GPR89B: variants seen among roughly 807,000 people sequenced by gnomAD.
GPR89B encodes the protein golgi pH regulator B, also known as G protein-coupled receptor 89B.
Under a neutral mutation model 52.4 loss-of-function variants are expected in GPR89B, and 25 were observed. That is an observed-to-expected ratio of 0.48 (90% CI 0.35 to 0.67). GPR89B has a LOEUF of 0.67. Among genes scored for constraint, GPR89B ranks in the 30% least tolerant of loss-of-function variants. The pLI, the probability that GPR89B is intolerant of heterozygous loss-of-function variation, is 0.01. For synonymous variants in GPR89B, 52 were observed against 151.2 expected, an observed-to-expected ratio of 0.34 and a Z score of 4.81; for missense variants, 146 against 450.2, an observed-to-expected ratio of 0.32 and a Z score of 6.11.
chr1:147,950,237 G>A (rs1219091704), intron 5 of GPR89B, among the ~76,000 whole-genome samples: 13 of 151,354 alleles, frequency 8.6e-5, no homozygotes, highest in African/African-American at 3.2e-4. Flanking sequence ...GGGCAGAGAC[G>A]CTCCTCACCT....
intron 10 of GPR89B, among the ~76,000 whole-genome samples, chr1:147,985,194 T>G (rs1238717608): frequency 6.6e-6 from 1 of 152,174 alleles, no homozygotes; most frequent in Non-Finnish European, 1.5e-5. Context: ...AAATGATCCT[T>G]TTATCATTCT....
chr1:147,968,758 TG>T, intron 8 of GPR89B, 116 bp from the exon 9 acceptor site: 1 of 1,534,850 alleles, frequency 6.5e-7, no homozygotes, highest in Non-Finnish European at 9.0e-7. Flanking sequence ...AACAGGAAAT[TG>T]AGAATATAGG....
intron 5 of GPR89B, among the ~76,000 whole-genome samples, chr1:147,948,756 ATTT>A (rs199854363): frequency 0.044 from 6,081 of 138,260 alleles, 156 homozygotes; most frequent in African/African-American, 0.08. Context: ...AGATAAAATA[ATTT>A]TTTTTTTTTT....
chr1:147,950,255 A>T (rs1392669249), intron 5 of GPR89B, among the ~76,000 whole-genome samples: 1 of 138,808 alleles, frequency 7.2e-6, no homozygotes, highest in African/African-American at 2.7e-5. Context: ...CCTCCCAGAC[A>T]GGGTCGCGGC....
At chr1:147,949,517 G>A (rs1655348523) in intron 5 of GPR89B, among the ~76,000 whole-genome samples, 1 of 128,618 alleles carries the variant, frequency 7.8e-6, no homozygotes, top group Non-Finnish European at 1.6e-5. Flanking sequence ...CCCAGTAGGG[G>A]CGGCCGGGCA....
chr1:147,962,365 A>G (rs1365035620), intron 7 of GPR89B, among the ~76,000 whole-genome samples: 1 of 151,168 alleles, frequency 6.6e-6, no homozygotes, highest in Non-Finnish European at 1.5e-5. Flanking sequence ...CAGAGGTTGC[A>G]GTGAGCTGAG....
chr1:147,988,077 G>T (rs1287584233), intron 11 of GPR89B, among the ~76,000 whole-genome samples: 5 of 151,936 alleles, frequency 3.3e-5, no homozygotes, highest in Non-Finnish European at 5.9e-5. Flanking sequence ...TTGCTGCCGG[G>T]CATGGTGACT....
intron 3 of GPR89B, among the ~76,000 whole-genome samples, chr1:147,940,092 C>T (rs1450361299): frequency 1.3e-5 from 2 of 151,666 alleles, no homozygotes; most frequent in Admixed American, 6.6e-5. Flanking sequence ...TCTGATTCTC[C>T]TGCTTTTAAA....
At chr1:147,972,566 A>C (rs2149080548) in intron 10 of GPR89B, among the ~76,000 whole-genome samples, 1 of 151,950 alleles carries the variant, frequency 6.6e-6, no homozygotes, top group African/African-American at 2.4e-5. Context: ...TATATTTCTT[A>C]ATGTCTAATG....
chr1:147,971,698 T>G (rs1162744562), intron 10 of GPR89B, among the ~76,000 whole-genome samples: 5 of 151,164 alleles, frequency 3.3e-5, no homozygotes, highest in Non-Finnish European at 5.9e-5. Context: ...GCCAGGATGG[T>G]CTCGATCTCC....
rs1283745157 is a variant in GPR89B at position 147,956,435 on chromosome 1, G to A, written c.617+2033G>A. 2.8e-3 allele frequency among the ~76,000 whole-genome samples: 420 copies of A among 152,270 alleles called. 1 individual carries two copies. The highest frequency in any genetic ancestry group is 8.5e-3 in the African/African-American group (355 of 41,548). On this transcript the variant is annotated intron_variant, in intron 7 of 13. Coordinates refer to ENST00000314163, the MANE Select transcript of GPR89B (RefSeq NM_016334.5). ...TTTTTCTATTTCTATGAAAAATGAC[G>A]TTGGAATTTTGATAGGGATTACATT... is the stretch of plus-strand genomic sequence containing the variant.
chr1:147,950,742 C>G (rs1655605066), intron 5 of GPR89B, among the ~76,000 whole-genome samples: 1 of 152,108 alleles, frequency 6.6e-6, no homozygotes, highest in African/African-American at 2.4e-5. Context: ...ACCAGCCCGG[C>G]CAACACAGTG....
chr1:147,980,349 A>G (rs1386570322), intron 10 of GPR89B, among the ~76,000 whole-genome samples: 18 of 121,114 alleles, frequency 1.5e-4, no homozygotes, highest in African/African-American at 4.8e-4. Context: ...TAAACTACCA[A>G]TTCATTTTTT....
intron 1 of GPR89B, among the ~76,000 whole-genome samples, chr1:147,932,456 A>G (rs1653728214): frequency 6.6e-6 from 1 of 152,106 alleles, no homozygotes; most frequent in Non-Finnish European, 1.5e-5. Flanking sequence ...TGCCAACGCC[A>G]GGAGTTTAAC....
chr1:147,962,046 C>G (rs1656615564), intron 7 of GPR89B, among the ~76,000 whole-genome samples: 1 of 151,910 alleles, frequency 6.6e-6, no homozygotes, highest in African/African-American at 2.4e-5. Context: ...TCTACCTGAT[C>G]TTTAAACATA....
chr1:147,972,853 C>T (rs1421233401), intron 10 of GPR89B, among the ~76,000 whole-genome samples: 10 of 149,488 alleles, frequency 6.7e-5, no homozygotes, highest in Non-Finnish European at 1.3e-4. Context: ...GTTGTTCCCT[C>T]CCTGTGTCTG....
intron 7 of GPR89B, among the ~76,000 whole-genome samples, chr1:147,955,358 T>A (rs1386331171): frequency 6.6e-6 from 1 of 152,090 alleles, no homozygotes; most frequent in Non-Finnish European, 1.5e-5. Context: ...AATACTGCAG[T>A]GAACATAGGT....
the GPR89B span, among the ~76,000 whole-genome samples, chr1:148,004,197 C>T: frequency 3.4e-5 from 5 of 148,850 alleles, no homozygotes; most frequent in South Asian, 8.9e-4. Flanking sequence ...CACTCTTTCG[C>T]CCAGGCTGGA....
downstream of GPR89B, chr1:147,994,502 G>A (rs1487464297): frequency 5.5e-5 from 31 of 561,344 alleles, no homozygotes; most frequent in Admixed American, 1.9e-4. Context: ...CAATTGTGTA[G>A]AGCTGATAAA....
Sources: allele counts gnomAD v4.1 joint callset (sites outside exome capture counted in the v4.1 genomes callset), GRCh38; gene constraint gnomAD v4.1.1; transcripts MANE v1.5; gene names NCBI Gene and HGNC (gene_info 2026-07-23, HGNC 2026-07-21).